The following NFASC variants were observed in gnomAD, a reference collection of about 807,000 sequenced individuals.
The protein encoded by NFASC is neurofascin homolog.
In NFASC, 43 loss-of-function variants were observed where a neutral mutation model predicts 147.5. The observed-to-expected ratio is 0.29, with a 90% CI of 0.23 to 0.38. The LOEUF (loss-of-function observed/expected upper bound fraction) is 0.38. Ranked by LOEUF, NFASC falls within the 10% of genes least tolerant of loss-of-function variation. NFASC has a pLI of 1.00. For missense variants in NFASC, 1,320 were observed against 1,689.0 expected (o/e 0.78, Z 3.83); for synonymous variants, 622 against 665.5 (o/e 0.93, Z 1.01).
intron 1 of NFASC, among the ~76,000 whole-genome samples, chr1:204,848,621 A>G (rs2075384343): frequency 6.6e-6 from 1 of 152,250 alleles, no homozygotes; most frequent in African/African-American, 2.4e-5. Context: ...TAAAAATCAT[A>G]AACTTTGAAA....
intron 1 of NFASC, among the ~76,000 whole-genome samples, chr1:204,857,913 C>CTT (rs1338962090): frequency 6.4e-5 from 8 of 125,354 alleles, no homozygotes; most frequent in African/African-American, 2.4e-4. Flanking sequence ...TCTCCTTCTT[C>CTT]TTCTTCTTTT....
intron 1 of NFASC, among the ~76,000 whole-genome samples, chr1:204,861,521 G>A (rs1342543441): frequency 6.6e-6 from 1 of 151,732 alleles, no homozygotes; most frequent in South Asian, 2.1e-4. Context: ...ACGGAGTCTC[G>A]CTCTGTTGCC....
At chr1:205,007,494 AAGGG>A (rs1279726802) in intron 27 of NFASC, among the ~76,000 whole-genome samples, 9 of 151,270 alleles carry the variant, frequency 5.9e-5, no homozygotes, top group South Asian at 4.2e-4. Context: ...AGAAAAAAGA[AAGGG>A]AGGGAGGGAA....
At chr1:204,967,970 T>TATCATTAAAAAAGA in intron 8 of NFASC, 2 of 337,668 alleles carry the variant, frequency 5.9e-6, no homozygotes, top group Middle Eastern at 8.5e-4. Flanking sequence ...CCCCTCCCCG[T>TATCATTAAAAAAGA]TCCAGGGAAG....
intron 2 of NFASC, among the ~76,000 whole-genome samples, chr1:204,937,663 G>C (rs2092980237): frequency 6.6e-6 from 1 of 152,142 alleles, no homozygotes; most frequent in African/African-American, 2.4e-5. Context: ...TATTCCATTG[G>C]ATGTACCTCC....
chr1:204,887,586 CTTTT>C (rs200468415), intron 1 of NFASC, among the ~76,000 whole-genome samples: 11 of 42,330 alleles, frequency 2.6e-4, no homozygotes, highest in Non-Finnish European at 4.7e-4. Flanking sequence ...GCCTGATTGG[CTTTT>C]TTTTTTTTTT....
chr1:205,002,475 C>T (rs1404780225), intron 26 of NFASC, 121 bp from the exon 27 acceptor site: 2 of 744,352 alleles, frequency 2.7e-6, no homozygotes, highest in East Asian at 6.4e-5. Flanking sequence ...GTGGACTGGA[C>T]CCGCGGTTCC....
chr1:204,882,088 C>T (rs2080358144), intron 1 of NFASC, among the ~76,000 whole-genome samples: 1 of 152,170 alleles, frequency 6.6e-6, no homozygotes, highest in South Asian at 2.1e-4. Flanking sequence ...GAGTTGAGCC[C>T]AATCTCTCTC....
intron 1 of NFASC, among the ~76,000 whole-genome samples, chr1:204,870,214 C>A (rs1427869995): frequency 6.6e-6 from 1 of 152,156 alleles, no homozygotes; most frequent in African/African-American, 2.4e-5. Context: ...GGGACAAGGG[C>A]CACACGCATG....
chr1:204,975,946 G>A lies in NFASC; in HGVS notation c.1706+528G>A, dbSNP rs74138684. 5.5e-3 allele frequency among the ~76,000 whole-genome samples: 831 copies of A among 152,266 alleles called. 8 individuals carry two copies. The highest frequency in any genetic ancestry group is 0.019 in the African/African-American group (796 of 41,538). ...GTGTAGGGTAGGACTTAGGACACTG[G>A]CAGGGTTTAAAAGTCCCCCTGGGGG... On this transcript the variant is annotated intron_variant, in intron 15 of 29. Transcript: ENST00000339876. This position sits in a 1 kb window ranked among gnomAD's most constrained non-coding sequence, Gnocchi z 4.0.
chr1:204,836,446 T>C (rs1358348102), intron 1 of NFASC, among the ~76,000 whole-genome samples: 2 of 152,238 alleles, frequency 1.3e-5, no homozygotes, highest in African/African-American at 4.8e-5. Flanking sequence ...CCCTGCCACC[T>C]AATTCTTGGA....
chr1:204,981,667 A>G, intron 20 of NFASC, 131 bp from the exon 21 acceptor site: 1 of 544,994 alleles, frequency 1.8e-6, no homozygotes, highest in Non-Finnish European at 3.2e-6. Context: ...GGTCTTCCCT[A>G]CCCTGCAAGG....
intron 28 of NFASC, among the ~76,000 whole-genome samples, chr1:205,012,081 C>T (rs545890421): frequency 1.1e-4 from 17 of 152,320 alleles, no homozygotes; most frequent in Non-Finnish European, 2.4e-4. Flanking sequence ...AAGAGGTTTT[C>T]ATGTAAGTGC....
chr1:204,951,170 A>G (rs868716120), intron 4 of NFASC, among the ~76,000 whole-genome samples: 1 of 53,024 alleles, frequency 1.9e-5, no homozygotes. Context: ...TTTTTTTTTT[A>G]TGGAGTCTCG....
At chr1:204,941,081 A>G (rs1014617093) in intron 2 of NFASC, among the ~76,000 whole-genome samples, 1 of 152,232 alleles carries the variant, frequency 6.6e-6, no homozygotes, top group Non-Finnish European at 1.5e-5. Flanking sequence ...CAAAGAGAAA[A>G]ATGGGTGGAA....
intron 1 of NFASC, among the ~76,000 whole-genome samples, chr1:204,900,509 T>C (rs535204362): frequency 6.6e-6 from 1 of 152,366 alleles, no homozygotes; most frequent in East Asian, 1.9e-4. Flanking sequence ...AACACTATTC[T>C]AAATGCAGGG....
At chr1:205,014,284 C>T (rs2096304910) in intron 29 of NFASC, among the ~76,000 whole-genome samples, 1 of 152,196 alleles carries the variant, frequency 6.6e-6, no homozygotes. Flanking sequence ...TGGGCCTGCA[C>T]CCCTACACGC....
intron 8 of NFASC, among the ~76,000 whole-genome samples, chr1:204,958,573 T>C (rs952738905): frequency 9.9e-5 from 15 of 152,218 alleles, no homozygotes; most frequent in African/African-American, 3.4e-4. Flanking sequence ...GAGCTTTTGC[T>C]GCAAAGTCTC....
chr1:205,002,176 G>A (rs1241498870), intron 26 of NFASC, among the ~76,000 whole-genome samples: 1 of 152,194 alleles, frequency 6.6e-6, no homozygotes, highest in Non-Finnish European at 1.5e-5. Flanking sequence ...TGAGAGCCAA[G>A]AGACAGAGTC....
Sources: gnomAD v4.1 joint callset for allele counts (sites outside exome capture counted in the v4.1 genomes callset) on GRCh38, gnomAD v4.1.1 for gene constraint, Gnocchi (gnomAD v3.1) non-coding constraint, MANE v1.5 for transcripts, NCBI Gene and HGNC (gene_info 2026-07-23, HGNC 2026-07-21) for gene names.